The following CDS2 variants were observed in gnomAD, a reference collection of about 807,000 sequenced individuals.
CDS2 encodes phosphatidate cytidylyltransferase 2.
Under a neutral mutation model 59.0 loss-of-function variants are expected in CDS2, and 47 were observed. That is an observed-to-expected ratio of 0.80 (90% CI 0.63 to 1.02). The LOEUF (loss-of-function observed/expected upper bound fraction) is 1.02, where lower values mean the gene tolerates loss of function less well. Among genes scored for constraint, CDS2 ranks in the 50% least tolerant of loss-of-function variants. The pLI is 0.00. For missense variants in CDS2, 356 were observed against 558.9 expected (o/e 0.64, Z 3.66); for synonymous variants, 207 against 206.4 (o/e 1.00, Z -0.02).
chr20:5,146,343 G>A (rs894731100), intron 1 of CDS2, among the ~76,000 whole-genome samples: 1 of 152,204 alleles, frequency 6.6e-6, no homozygotes, highest in Non-Finnish European at 1.5e-5. Flanking sequence ...GGTGGGTGAT[G>A]AAGCAGAGGA....
intron 1 of CDS2, among the ~76,000 whole-genome samples, chr20:5,166,114 T>G (rs1328992668): frequency 6.6e-6 from 1 of 152,120 alleles, no homozygotes; most frequent in Non-Finnish European, 1.5e-5. Flanking sequence ...GGGAGTGGAC[T>G]CTAGGCTGAA....
At chr20:5,138,116 ATT>A (rs11475285) in intron 1 of CDS2, among the ~76,000 whole-genome samples, 1,969 of 143,280 alleles carry the variant, frequency 0.014, 49 homozygotes, top group African/African-American at 0.044. Context: ...ATTTCTTTAA[ATT>A]TTTTTTTTTT....
chr20:5,195,492 G>C lies in CDS2; in HGVS notation c.*5258G>C, dbSNP rs909483985. The C allele has an allele frequency of 6.6e-6, 1 of 152,320 alleles. No homozygotes were observed. The highest frequency in any genetic ancestry group is 1.9e-4 in the East Asian group (1 of 5,176). The allele number at this position is 152,320 out of a possible 1,614,324, so 9.4% of individuals were successfully genotyped here. A position where few individuals can be genotyped will look rare whatever the true frequency, so the allele number is the denominator to read the frequency against. On this transcript the variant is annotated 3_prime_UTR_variant, in exon 13 of 13. Coordinates refer to ENST00000460006, the MANE Select transcript of CDS2 (RefSeq NM_003818.4). ...CCTCTGCCCACAGTCTGGACTGCTT[G>C]TGGGAAGGCCATCTCCTCCTGTCTG...
intron 11 of CDS2, 130 bp downstream of exon 11, chr20:5,189,316 C>A: frequency 1.0e-6 from 1 of 992,074 alleles, no homozygotes; most frequent in Non-Finnish European, 1.5e-6. Context: ...TTGACCCATG[C>A]ACTGAATTTA....
intron 1 of CDS2, among the ~76,000 whole-genome samples, chr20:5,173,237 AAGG>A (rs1291289766): frequency 6.6e-6 from 1 of 152,206 alleles, no homozygotes; most frequent in Non-Finnish European, 1.5e-5. Flanking sequence ...TTTGGATACA[AAGG>A]AGCCATGTTC....
intron 4 of CDS2, among the ~76,000 whole-genome samples, chr20:5,178,392 A>G (rs1286036353): frequency 6.6e-6 from 1 of 152,214 alleles, no homozygotes; most frequent in Non-Finnish European, 1.5e-5. Context: ...GGAAAAAGGC[A>G]GGAGAACAGC....
intron 1 of CDS2, among the ~76,000 whole-genome samples, chr20:5,164,520 T>C (rs1214921327): frequency 1.3e-5 from 2 of 152,130 alleles, no homozygotes; most frequent in East Asian, 1.9e-4. Flanking sequence ...GGGAGCACAC[T>C]TGAGCCCAGT....
chr20:5,146,914 A>AT (rs1269958840), intron 1 of CDS2, among the ~76,000 whole-genome samples: 2 of 152,178 alleles, frequency 1.3e-5, no homozygotes, highest in Non-Finnish European at 2.9e-5. Context: ...TTCTATCTCT[A>AT]GTATAGGATG....
chr20:5,182,129 A>G (rs1190828734), intron 5 of CDS2, among the ~76,000 whole-genome samples: 2 of 152,248 alleles, frequency 1.3e-5, no homozygotes, highest in Non-Finnish European at 2.9e-5. Flanking sequence ...AAACATTCCT[A>G]TCTGATGAAC....
At chr20:5,146,317 C>A (rs1435990040) in intron 1 of CDS2, among the ~76,000 whole-genome samples, 2 of 152,126 alleles carry the variant, frequency 1.3e-5, no homozygotes, top group Non-Finnish European at 2.9e-5. Context: ...CTGGGAATTG[C>A]TTGTGTTTAG....
intron 1 of CDS2, among the ~76,000 whole-genome samples, chr20:5,160,923 T>C (rs1028989079): frequency 6.6e-6 from 1 of 152,256 alleles, no homozygotes; most frequent in African/African-American, 2.4e-5. Flanking sequence ...CCACTGTATA[T>C]GTATACTACA....
At chr20:5,155,050 G>A (rs1194790434) in intron 1 of CDS2, among the ~76,000 whole-genome samples, 1 of 152,216 alleles carries the variant, frequency 6.6e-6, no homozygotes, top group Non-Finnish European at 1.5e-5. Flanking sequence ...GAACCGCTTA[G>A]GACTCTAAAA....
intron 1 of CDS2, among the ~76,000 whole-genome samples, chr20:5,162,407 C>T (rs765134497): frequency 6.6e-6 from 1 of 152,160 alleles, no homozygotes; most frequent in African/African-American, 2.4e-5. Context: ...GGTATTCAAT[C>T]GCTACCTCTC....
intron 1 of CDS2, among the ~76,000 whole-genome samples, chr20:5,172,701 A>G (rs2090964918): frequency 6.6e-6 from 1 of 152,190 alleles, no homozygotes; most frequent in African/African-American, 2.4e-5. Flanking sequence ...GGCTATACAG[A>G]TACTAAGTAG....
Position 5,176,754 on chromosome 20 carries a change from T to G in CDS2, c.389+9T>G. On this transcript the variant is annotated intron_variant, in intron 4 of 12. Coordinates refer to ENST00000460006, the MANE Select transcript of CDS2 (RefSeq NM_003818.4). ...TTCAGGACGCTCAGCTGGTAAGCTC[T>G]CCGGCCCCACAGAGGCTTTTAGAAT... is the stretch of plus-strand genomic sequence containing the variant. The G allele has an allele frequency of 1.9e-6, 3 of 1,598,922 alleles. No individual in the cohort carries two copies. The highest frequency in any genetic ancestry group is 2.6e-6 in the Non-Finnish European group (3 of 1,166,156).
chr20:5,189,956 G>T (rs923346093), intron 12 of CDS2, 118 bp downstream of exon 12: 1 of 1,352,198 alleles, frequency 7.4e-7, no homozygotes, highest in Non-Finnish European at 1.0e-6. Flanking sequence ...GTTTTCAGTT[G>T]TTTCTGCTTA....
intron 1 of CDS2, among the ~76,000 whole-genome samples, chr20:5,136,099 G>A (rs182139251): frequency 6.6e-6 from 1 of 152,286 alleles, no homozygotes; most frequent in Non-Finnish European, 1.5e-5. Context: ...TCTCTGATGT[G>A]GAGAGGATGT....
At chr20:5,143,932 TTTTTGTATTTTTTGTAGAGACAGGG>T (rs2090717985) in intron 1 of CDS2, among the ~76,000 whole-genome samples, 1 of 151,958 alleles carries the variant, frequency 6.6e-6, no homozygotes, top group South Asian at 2.1e-4. Context: ...GCTCTGCTAA[TTTTTGTATTTTTTGTAGAGACAGGG>T]TTTTCCCATG....
chr20:5,188,994 CAT>C, intron 10 of CDS2, 71 bp from the exon 11 acceptor site: 2 of 1,582,764 alleles, frequency 1.3e-6, no homozygotes, highest in South Asian at 2.2e-5. Context: ...CAAATTTCAA[CAT>C]GAGTTGACAA....
Sources: allele counts gnomAD v4.1 joint callset (sites outside exome capture counted in the v4.1 genomes callset), GRCh38; gene constraint gnomAD v4.1.1; transcripts MANE v1.5; gene names NCBI Gene and HGNC (gene_info 2026-07-23, HGNC 2026-07-21).